Variants in COL11A1 observed in about 807,000 individuals in gnomAD.
COL11A1 encodes collagen alpha-1(XI) chain.
Under a neutral mutation model 265.2 loss-of-function variants are expected in COL11A1, and 74 were observed. The ratio of observed to expected loss-of-function variants is 0.28; its 90% CI spans 0.23 to 0.34. COL11A1 has a LOEUF of 0.34. Among genes scored for constraint, COL11A1 ranks in the 10% least tolerant of loss-of-function variants. COL11A1 has a pLI of 1.00. For missense variants in COL11A1, 2,165 were observed against 2,263.6 expected (o/e 0.96, Z 0.88); for synonymous variants, 816 against 727.6 (o/e 1.12, Z -1.96).
intron 41 of COL11A1, among the ~76,000 whole-genome samples, chr1:102,959,971 G>A (rs1197969843): frequency 6.6e-6 from 1 of 152,022 alleles, no homozygotes; most frequent in African/African-American, 2.4e-5. Context: ...CTGAAGGTCT[G>A]GTTAAATGGA....
Position 103,104,632 on chromosome 1 carries a change from G to T in COL11A1, c.106+3441C>A, listed in dbSNP as rs369586471. On this transcript the variant is annotated intron_variant, in intron 1 of 66. Transcript: ENST00000370096. ...AAGAAACTTAATTTCAAAACTAATGGACAACTAGGTAAAAGAATCTGTGCC... is the reference window on the plus strand; with the variant it reads ...AAGAAACTTAATTTCAAAACTAATGTACAACTAGGTAAAAGAATCTGTGCC... 2.6e-5 allele frequency among the ~76,000 whole-genome samples: 4 copies of T among 152,028 alleles called. No homozygotes were observed. In the East Asian group the frequency reaches 7.7e-4, roughly 29 times the overall value.
Position 102,995,851 on chromosome 1 carries a change from A to G in COL11A1, c.2340+13T>C. ...ACACAGAAATTAATACCATCTAAACAATTAAATTTTACCTTTTCACCTTTA... is the reference window on the plus strand; with the variant it reads ...ACACAGAAATTAATACCATCTAAACGATTAAATTTTACCTTTTCACCTTTA... On this transcript the variant is annotated intron_variant, in intron 28 of 66. Transcript: ENST00000370096. 1 of 1,595,518 alleles carries G rather than the reference A, an allele frequency of 6.3e-7. No homozygotes were observed.
chr1:102,939,127 A>T, intron 43 of COL11A1, 39 bp from the exon 44 acceptor site: 2 of 1,507,534 alleles, frequency 1.3e-6, no homozygotes, highest in East Asian at 4.5e-5. Context: ...TATCTCTAAC[A>T]TGCTATTGCA....
rs1666391463 is a variant in COL11A1 at position 103,014,452 on chromosome 1, C to G, written c.1572+59G>C. On this transcript the variant is annotated intron_variant, in intron 13 of 66. Transcript: ENST00000370096. ...TGGTAGCATCTTCCGTATGTACACA[C>G]ATATATACTTGATACAGAGTCAGTC... 3 of 1,329,622 alleles carry G rather than the reference C, an allele frequency of 2.3e-6. No homozygotes were observed. In the African/African-American group the frequency reaches 4.3e-5, roughly 19 times the overall value. 82.4% of individuals were successfully genotyped at this position (1,329,622 alleles called of 1,614,324 possible).
At chr1:103,059,052 C>A in intron 4 of COL11A1, among the ~76,000 whole-genome samples, 1 of 152,078 alleles carries the variant, frequency 6.6e-6, no homozygotes, top group East Asian at 1.9e-4. Context: ...ATGATGCCAA[C>A]AGACTTGCTT....
rs778938052 is a variant in COL11A1, at chr1:102,997,141, CA to C, written c.2197-18del. The C allele has an allele frequency of 1.2e-6, 2 of 1,600,552 alleles. No homozygotes were observed. Among genetic ancestry groups the C allele is most frequent in the Non-Finnish European group, 1.7e-6 (2 of 1,168,088 alleles). Reference sequence around the variant, plus strand: ...AGGATGACCCTATATTTAGCAAAAACATACACTGATAAGATGTAATATAAAC... The same window carrying C: ...AGGATGACCCTATATTTAGCAAAAACTACACTGATAAGATGTAATATAAAC... On this transcript the variant is annotated intron_variant, in intron 25 of 66. Coordinates refer to ENST00000370096, the MANE Select transcript of COL11A1 (RefSeq NM_001854.4).
At chr1:102,989,242 G>A (rs1052531952) in intron 29 of COL11A1, among the ~76,000 whole-genome samples, 7 of 151,680 alleles carry the variant, frequency 4.6e-5, no homozygotes, top group Non-Finnish European at 8.8e-5. Flanking sequence ...ATACTAACAC[G>A]TGTGTGTGCA....
At chr1:102,933,674 C>T (rs1012089694) in intron 46 of COL11A1, among the ~76,000 whole-genome samples, 2 of 151,862 alleles carry the variant, frequency 1.3e-5, no homozygotes, top group Non-Finnish European at 3.0e-5. Context: ...CAATGGCGGG[C>T]GCCCCTCCCC....
intron 13 of COL11A1, among the ~76,000 whole-genome samples, chr1:103,013,712 A>C (rs1167576586): frequency 1.3e-5 from 2 of 151,908 alleles, no homozygotes; most frequent in Non-Finnish European, 2.9e-5. Context: ...TGATGCATAA[A>C]AATTTTATCA....
At chr1:102,909,224 T>C (rs1654360606) in intron 54 of COL11A1, among the ~76,000 whole-genome samples, 1 of 152,042 alleles carries the variant, frequency 6.6e-6, no homozygotes, top group African/African-American at 2.4e-5. Flanking sequence ...TGTTAAAAAG[T>C]GCCTGGCACC....
chr1:102,980,716 A>G (rs1272445057), intron 31 of COL11A1, among the ~76,000 whole-genome samples: 1 of 152,156 alleles, frequency 6.6e-6, no homozygotes, highest in Non-Finnish European at 1.5e-5. Context: ...TCCAAGTGAT[A>G]CATGGCTCCT....
intron 64 of COL11A1, 69 bp from the exon 65 acceptor site, chr1:102,881,834 C>T (rs563657586): frequency 1.3e-4 from 144 of 1,089,764 alleles, no homozygotes; most frequent in Middle Eastern, 1.2e-3. Context: ...TTTTTATATA[C>T]ATATAATTCA....
chr1:103,052,261 C>A (rs529244987), intron 4 of COL11A1, among the ~76,000 whole-genome samples: 1 of 152,052 alleles, frequency 6.6e-6, no homozygotes, highest in African/African-American at 2.4e-5. Context: ...AAAAAGAATT[C>A]TAAAAAAAAC....
At chr1:102,912,074 C>T in intron 54 of COL11A1, 85 bp downstream of exon 54, 2 of 1,095,178 alleles carry the variant, frequency 1.8e-6, no homozygotes, top group South Asian at 2.9e-5. Flanking sequence ...TTATAACATG[C>T]TGCCTGCAGC....
intron 36 of COL11A1, among the ~76,000 whole-genome samples, chr1:102,972,450 C>T (rs191694636): frequency 3.9e-5 from 6 of 152,084 alleles, no homozygotes; most frequent in Admixed American, 2.0e-4. Flanking sequence ...CCTAGATAGA[C>T]TGAGGGAGTA....
chr1:102,893,265 G>A (rs1651986585), intron 57 of COL11A1, among the ~76,000 whole-genome samples: 1 of 152,022 alleles, frequency 6.6e-6, no homozygotes, highest in African/African-American at 2.4e-5. Flanking sequence ...CATTATTTGT[G>A]TTTTAAATGC....
At chr1:103,048,702 T>A (rs1017722867) in intron 4 of COL11A1, among the ~76,000 whole-genome samples, 2 of 152,186 alleles carry the variant, frequency 1.3e-5, no homozygotes, top group Non-Finnish European at 2.9e-5. Flanking sequence ...GGGTGTCAAT[T>A]TTGGATCTTT....
At chr1:103,057,472 T>C (rs77094262) in intron 4 of COL11A1, among the ~76,000 whole-genome samples, 5,266 of 152,306 alleles carry the variant, frequency 0.035, 328 homozygotes, top group African/African-American at 0.12. Flanking sequence ...AATGTTCTTA[T>C]TGACATCTGG....
Position 103,107,974 on chromosome 1 carries a change from T to C in COL11A1, c.106+99A>G. 1.5e-5 allele frequency: 13 copies of C among 848,564 alleles called. 1 individual carries two copies. In the South Asian group the frequency reaches 1.9e-4, roughly 12 times the overall value. The allele number at this position is 848,564 out of a possible 1,614,324, so 52.6% of individuals were successfully genotyped here. A position where few individuals can be genotyped will look rare whatever the true frequency, so the allele number is the denominator to read the frequency against. ...TTAAGGGAATTGCTTTTTTTTTTTT[T>C]TCTTGAAGAGCGGGGAGGAAGGGTA... On this transcript the variant is annotated intron_variant, in intron 1 of 66. Transcript: ENST00000370096.
Sources: allele counts gnomAD v4.1 joint callset (sites outside exome capture counted in the v4.1 genomes callset), GRCh38; gene constraint gnomAD v4.1.1; transcripts MANE v1.5; gene names NCBI Gene and HGNC (gene_info 2026-07-23, HGNC 2026-07-21).